The following SMYD3 variants were observed in gnomAD, a reference collection of about 807,000 sequenced individuals.
The protein encoded by SMYD3 is histone-lysine N-methyltransferase SMYD3.
In SMYD3, 36 loss-of-function variants were observed where a neutral mutation model predicts 57.7. The observed-to-expected ratio is 0.62, with a 90% CI of 0.48 to 0.82. The LOEUF is 0.82. SMYD3 is among the 40% of genes least tolerant of loss of function. The pLI is 0.00. For missense variants in SMYD3, 515 were observed against 538.8 expected (o/e 0.96, Z 0.44); for synonymous variants, 211 against 195.0 (o/e 1.08, Z -0.68).
intron 11 of SMYD3, among the ~76,000 whole-genome samples, chr1:245,759,190 CT>C (rs2045732692): frequency 6.6e-6 from 1 of 152,180 alleles, no homozygotes; most frequent in Non-Finnish European, 1.5e-5. Flanking sequence ...CTATTATTCT[CT>C]ATTTGGAGGT....
At chr1:246,000,090 T>C (rs2059012015) in intron 5 of SMYD3, among the ~76,000 whole-genome samples, 1 of 152,234 alleles carries the variant, frequency 6.6e-6, no homozygotes, top group Non-Finnish European at 1.5e-5. Context: ...TGACTGAAGA[T>C]GTTTTCTCTT....
At chr1:245,885,315 G>A (rs1349659972) in intron 8 of SMYD3, among the ~76,000 whole-genome samples, 2 of 152,174 alleles carry the variant, frequency 1.3e-5, no homozygotes, top group African/African-American at 4.8e-5. Flanking sequence ...GAACCCACCG[G>A]AAGGAACCAA....
At chr1:245,794,359 T>C (rs897184062) in intron 10 of SMYD3, among the ~76,000 whole-genome samples, 2 of 152,266 alleles carry the variant, frequency 1.3e-5, no homozygotes, top group Non-Finnish European at 2.9e-5. Context: ...GACAGAATTC[T>C]TGACAATTCT....
intron 10 of SMYD3, among the ~76,000 whole-genome samples, chr1:245,793,190 T>C (rs990017248): frequency 3.3e-5 from 5 of 150,662 alleles, no homozygotes; most frequent in African/African-American, 1.2e-4. Context: ...GTGCCTGTAG[T>C]CCCAGCTACT....
At chr1:245,898,269 A>C (rs2053958450) in intron 8 of SMYD3, among the ~76,000 whole-genome samples, 1 of 152,238 alleles carries the variant, frequency 6.6e-6, no homozygotes, top group African/African-American at 2.4e-5. Context: ...CGAAAATAAA[A>C]TTTATTGCTG....
intron 10 of SMYD3, among the ~76,000 whole-genome samples, chr1:245,770,937 A>C (rs2046307163): frequency 6.6e-6 from 1 of 152,162 alleles, no homozygotes; most frequent in African/African-American, 2.4e-5. Context: ...CATATCCATC[A>C]AAGATACAGA....
intron 1 of SMYD3, among the ~76,000 whole-genome samples, chr1:246,465,336 G>A (rs76065728): frequency 0.016 from 2,491 of 152,256 alleles, 33 homozygotes; most frequent in Non-Finnish European, 0.024. Context: ...AAAAATAAAC[G>A]AATTCACAAA....
At chr1:245,882,473 T>TA (rs1259510395) in intron 8 of SMYD3, among the ~76,000 whole-genome samples, 1 of 152,192 alleles carries the variant, frequency 6.6e-6, no homozygotes. Context: ...AATCAATTTA[T>TA]AATTTTGGGT....
Position 246,128,507 on chromosome 1 carries a change from T to A in SMYD3, c.532-198570A>T, listed in dbSNP as rs113689700. On this transcript the variant is annotated intron_variant, in intron 5 of 11. Transcript: ENST00000490107. The stretch of plus-strand genomic sequence containing the variant: ...CAGGCACATTGATAAGTGCTTTACA[T>A]AGAAATCTTATTTAATTTTTATTAT... Among the ~76,000 whole-genome samples the A allele has an allele frequency of 6.6e-4, 101 of 152,316 alleles. 2 individuals are homozygous for A. The highest frequency in any genetic ancestry group is 2.4e-3 in the African/African-American group (99 of 41,558).
chr1:246,127,250 T>G (rs920849690), intron 5 of SMYD3, among the ~76,000 whole-genome samples: 4 of 152,070 alleles, frequency 2.6e-5, no homozygotes, highest in African/African-American at 9.7e-5. Context: ...CCAGTTCCCA[T>G]GCCAACCTGA....
At chr1:246,002,744 G>A (rs1458150709) in intron 5 of SMYD3, among the ~76,000 whole-genome samples, 1 of 152,080 alleles carries the variant, frequency 6.6e-6, no homozygotes, top group African/African-American at 2.4e-5. Flanking sequence ...CCGCCACCAC[G>A]CCCGGCCCAT....
intron 2 of SMYD3, among the ~76,000 whole-genome samples, chr1:246,336,644 C>T (rs1372138043): frequency 6.6e-6 from 1 of 152,142 alleles, no homozygotes; most frequent in Non-Finnish European, 1.5e-5. Flanking sequence ...CTACAAGGTA[C>T]TAGATACATG....
intron 11 of SMYD3, 95 bp from the exon 12 acceptor site, chr1:245,749,759 C>G: frequency 1.1e-6 from 1 of 897,592 alleles, no homozygotes; most frequent in Non-Finnish European, 1.8e-6. Context: ...GCCTGGTGAA[C>G]CCCACAGGTT....
intron 5 of SMYD3, among the ~76,000 whole-genome samples, chr1:246,313,816 AGC>A (rs2065116660): frequency 6.6e-6 from 1 of 152,254 alleles, no homozygotes; most frequent in Non-Finnish European, 1.5e-5. Context: ...TATAGTTTAT[AGC>A]ATAGAAAATG....
intron 5 of SMYD3, among the ~76,000 whole-genome samples, chr1:246,247,855 G>A (rs12145702): frequency 0.21 from 31,561 of 152,004 alleles, 3,999 homozygotes; most frequent in East Asian, 0.58. Flanking sequence ...AAAAAATCCA[G>A]GTAGCAAGAG....
intron 1 of SMYD3, among the ~76,000 whole-genome samples, chr1:246,492,248 T>C (rs2068283604): frequency 6.6e-6 from 1 of 152,134 alleles, no homozygotes; most frequent in African/African-American, 2.4e-5. Context: ...TAGTAGGTAA[T>C]TAGAGATTAA....
chr1:245,989,602 C>G (rs982271989), intron 5 of SMYD3, among the ~76,000 whole-genome samples: 5 of 152,228 alleles, frequency 3.3e-5, no homozygotes, highest in African/African-American at 1.2e-4. Context: ...GAGAAGCAAA[C>G]ACAACGAAGG....
chr1:246,269,447 C>G (rs1333073564), intron 5 of SMYD3, among the ~76,000 whole-genome samples: 1 of 152,040 alleles, frequency 6.6e-6, no homozygotes, highest in African/African-American at 2.4e-5. Flanking sequence ...CCTTATCTGT[C>G]CAATTCATAC....
In SMYD3 at chr1:245,749,652, T is replaced by C. The variant is rs2045251826; in HGVS notation, c.1198A>G (p.Met400Val). 4 of 1,613,776 alleles carry C rather than the reference T, an allele frequency of 2.5e-6. No homozygotes were observed. The highest frequency in any genetic ancestry group is 1.7e-5 in the Admixed American group (1 of 60,000). The change falls in exon 12 of 12, where the codon ATG (methionine) becomes GTG (valine). Residue 400 changes from methionine to valine, a missense_variant. By Grantham distance (21) the Met-to-Val change is conservative. Coordinates refer to ENST00000490107, the MANE Select transcript of SMYD3 (RefSeq NM_001167740.2). ...MKNLRLAFDI[M>V]RVTHGREHSL... ...TGTTCTCTGCCATGTGTCACTCTCA[T>C]AATATCAAAAGCCTAAAGAGAAAGG...
Sources: allele counts gnomAD v4.1 joint callset (sites outside exome capture counted in the v4.1 genomes callset), GRCh38; gene constraint gnomAD v4.1.1; transcripts MANE v1.5; gene names NCBI Gene and HGNC (gene_info 2026-07-23, HGNC 2026-07-21).